SLCO2B1: variants seen among roughly 807,000 people sequenced by gnomAD.
SLCO2B1 encodes OATP-RP2.
In SLCO2B1, 41 loss-of-function variants were observed where a neutral mutation model predicts 67.3. The ratio of observed to expected loss-of-function variants is 0.61; its 90% CI spans 0.47 to 0.79. The LOEUF (loss-of-function observed/expected upper bound fraction) is 0.79. Ranked by LOEUF, SLCO2B1 falls within the 30% of genes least tolerant of loss-of-function variation. SLCO2B1 has a pLI of 0.00. For missense variants in SLCO2B1, 837 were observed against 920.1 expected, an observed-to-expected ratio of 0.91 and a Z score of 1.17; for synonymous variants, 379 against 381.4, an observed-to-expected ratio of 0.99 and a Z score of 0.07.
intron 4 of SLCO2B1, among the ~76,000 whole-genome samples, chr11:75,166,631 C>T (rs187179919): frequency 6.6e-6 from 1 of 152,244 alleles, no homozygotes. Flanking sequence ...TCGATCCATC[C>T]ACCTACTACT....
rs912785811 is a variant in SLCO2B1 at position 75,181,693 on chromosome 11, G to T, written c.973-6443G>T. Among the ~76,000 whole-genome samples, 4 of 152,160 alleles carry T rather than the reference G, an allele frequency of 2.6e-5. No homozygotes were observed. In the East Asian group the frequency reaches 7.7e-4, roughly 29 times the overall value. Reference sequence around the variant, plus strand: ...CAGCAGACAGGAGGGCCTTCCATGGGCTGAGCTACACACAGCACATGGTGT... The same window carrying T: ...CAGCAGACAGGAGGGCCTTCCATGGTCTGAGCTACACACAGCACATGGTGT... On this transcript the variant is annotated intron_variant, in intron 7 of 13. Coordinates refer to ENST00000289575, the MANE Select transcript of SLCO2B1 (RefSeq NM_007256.5).
At chr11:75,165,557 T>G (rs1591812954) in intron 3 of SLCO2B1, among the ~76,000 whole-genome samples, 1 of 152,212 alleles carries the variant, frequency 6.6e-6, no homozygotes, top group Admixed American at 6.5e-5. Flanking sequence ...GTCCAATCTG[T>G]GTTCAAAAAT....
At chr11:75,200,080 G>A (rs913791969) in intron 10 of SLCO2B1, 144 bp from the exon 11 acceptor site, 5 of 780,456 alleles carry the variant, frequency 6.4e-6, no homozygotes, top group South Asian at 1.9e-5. Context: ...TCAGCCAACG[G>A]GTCACGATCT....
At chr11:75,182,576 C>G (rs1209094164) in intron 7 of SLCO2B1, among the ~76,000 whole-genome samples, 2 of 152,120 alleles carry the variant, frequency 1.3e-5, no homozygotes, top group Admixed American at 6.6e-5. Flanking sequence ...AACCCAGTCT[C>G]TACTAAAAAT....
intron 4 of SLCO2B1, among the ~76,000 whole-genome samples, chr11:75,168,818 C>G (rs543178787): frequency 6.6e-6 from 1 of 152,190 alleles, no homozygotes; most frequent in Admixed American, 6.5e-5. Flanking sequence ...TTTATTCTTC[C>G]GGACCCAGTT....
chr11:75,190,498 T>C (rs11236369), intron 8 of SLCO2B1, among the ~76,000 whole-genome samples: 226 of 152,058 alleles, frequency 1.5e-3, no homozygotes, highest in African/African-American at 4.9e-3. Context: ...AGACAGTCTC[T>C]GAGCTGGGGG....
intron 7 of SLCO2B1, among the ~76,000 whole-genome samples, chr11:75,178,837 A>G (rs564771379): frequency 2.5e-4 from 38 of 152,276 alleles, no homozygotes; most frequent in Non-Finnish European, 4.6e-4. Flanking sequence ...TGGCTTTTTT[A>G]TATTTCACAC....
chr11:75,169,102 A>T, intron 4 of SLCO2B1, 71 bp from the exon 5 acceptor site: 1 of 1,259,812 alleles, frequency 7.9e-7, no homozygotes, highest in African/African-American at 1.5e-5. Flanking sequence ...TTAGAACAGT[A>T]CCTTCCCCCG....
At position 75,187,764 on chromosome 11, in the gene SLCO2B1, G is replaced by C. The variant is rs538376063; in HGVS notation, c.973-372G>C. Among the ~76,000 whole-genome samples the C allele has an allele frequency of 4.1e-4, 63 of 152,188 alleles. 1 individual carries two copies. Among genetic ancestry groups the C allele is most frequent in the African/African-American group, 1.4e-3 (58 of 41,520 alleles). On this transcript the variant is annotated intron_variant, in intron 7 of 13. Coordinates refer to ENST00000289575, the MANE Select transcript of SLCO2B1 (RefSeq NM_007256.5). ...ACTAAATTTGTCATTTAGTCACAAC[G>C]ATATGGGTGATGTGAATGAGGGTGA...
chr11:75,167,464 G>A (rs1230425166), intron 4 of SLCO2B1, among the ~76,000 whole-genome samples: 3 of 152,174 alleles, frequency 2.0e-5, no homozygotes, highest in Non-Finnish European at 2.9e-5. Context: ...CTGAGCCTCC[G>A]TCTTTACATC....
In SLCO2B1 at chr11:75,205,305, C is replaced by T. The variant is rs1274514375; in HGVS notation, c.*725C>T. ...CTCAGGAAATTCTAGCCCTTGCCCT[C>T]AGGGAGCCACGGTTGAGGGTGAGGC... On this transcript the variant is annotated 3_prime_UTR_variant, in exon 14 of 14. Transcript: ENST00000289575. 1 of 152,274 alleles carries T rather than the reference C, an allele frequency of 6.6e-6. No homozygotes were observed. The highest frequency in any genetic ancestry group is 2.4e-5 in the African/African-American group (1 of 41,470). 9.4% of individuals were successfully genotyped at this position (152,274 alleles called of 1,614,324 possible). A position where few individuals can be genotyped will look rare whatever the true frequency, so the allele number is the denominator to read the frequency against.
intron 7 of SLCO2B1, among the ~76,000 whole-genome samples, chr11:75,183,052 A>C (rs1050298516): frequency 6.6e-6 from 1 of 152,212 alleles, no homozygotes; most frequent in Non-Finnish European, 1.5e-5. Flanking sequence ...GCAAGGATTC[A>C]CTGATTCTCT....
At chr11:75,154,452 A>T (rs1313501590) in intron 1 of SLCO2B1, among the ~76,000 whole-genome samples, 2 of 152,078 alleles carry the variant, frequency 1.3e-5, no homozygotes, top group Non-Finnish European at 2.9e-5. Flanking sequence ...GTGAGCCGAG[A>T]TTGCACCATT....
intron 7 of SLCO2B1, among the ~76,000 whole-genome samples, chr11:75,177,042 C>G (rs915576974): frequency 1.3e-5 from 2 of 152,148 alleles, no homozygotes; most frequent in African/African-American, 4.8e-5. Flanking sequence ...TTAACATCGA[C>G]GAGGCTTGAG....
chr11:75,158,493 T>C (rs1274115403), intron 1 of SLCO2B1, among the ~76,000 whole-genome samples: 1 of 152,206 alleles, frequency 6.6e-6, no homozygotes, highest in African/African-American at 2.4e-5. Flanking sequence ...AGGCTGTTTT[T>C]TTTTTCTCCA....
At chr11:75,161,720 A>C (rs1949823679) in intron 1 of SLCO2B1, among the ~76,000 whole-genome samples, 1 of 152,192 alleles carries the variant, frequency 6.6e-6, no homozygotes, top group African/African-American at 2.4e-5. Context: ...AAGGGGAGGA[A>C]GACCAAGGAG....
At chr11:75,191,599 C>T (rs1945024136) in intron 8 of SLCO2B1, among the ~76,000 whole-genome samples, 2 of 152,174 alleles carry the variant, frequency 1.3e-5, no homozygotes, top group African/African-American at 4.8e-5. Flanking sequence ...TGGCTTGGCC[C>T]TGCTCTGAGG....
chr11:75,193,494 T>C lies in SLCO2B1; in HGVS notation c.1352T>C (p.Leu451Pro), dbSNP rs1328647989. 1 of 1,607,984 alleles carries C rather than the reference T, an allele frequency of 6.2e-7. No homozygotes were observed. The change falls in exon 9 of 14, where the codon CTG becomes CCG. Residue 451 changes from leucine to proline, a missense_variant. Physicochemically the swap from Leu to Pro is moderately conservative, Grantham distance 98. Transcript: ENST00000289575. This position sits in a 1 kb window ranked among gnomAD's most constrained non-coding sequence, Gnocchi z 4.2. ...GGTGCCCTTTGCCTGCTGGGGATGC[T>C]GCTGTGCCTCTTCTTCAGCCTGCCG... ...GCGALCLLGM[L>P]LCLFFSLPLF...
chr11:75,194,592 C>T (rs1167311844), intron 9 of SLCO2B1, among the ~76,000 whole-genome samples: 2 of 151,952 alleles, frequency 1.3e-5, no homozygotes, highest in African/African-American at 4.8e-5. Flanking sequence ...TCTTTTCCCA[C>T]ATAGGGAGGC....
Sources: gnomAD v4.1 joint callset for allele counts (sites outside exome capture counted in the v4.1 genomes callset) on GRCh38, gnomAD v4.1.1 for gene constraint, Gnocchi (gnomAD v3.1) non-coding constraint, MANE v1.5 for transcripts, NCBI Gene and HGNC (gene_info 2026-07-23, HGNC 2026-07-21) for gene names.